RNGTT: variants seen among roughly 807,000 people sequenced by gnomAD.
The protein encoded by RNGTT is RNA guanylyltransferase and 5'-phosphatase.
RNGTT carries 33 observed loss-of-function variants against 79.3 expected under a neutral mutation model. That is an observed-to-expected ratio of 0.42 (90% confidence interval 0.32 to 0.56). The LOEUF is 0.56. Among genes scored for constraint, RNGTT ranks in the 20% least tolerant of loss-of-function variants. RNGTT has a pLI of 0.17. For synonymous variants in RNGTT, 222 were observed against 235.9 expected, an observed-to-expected ratio of 0.94 and a Z score of 0.54; for missense variants, 497 against 739.1, an observed-to-expected ratio of 0.67 and a Z score of 3.80.
chr6:88,762,832 G>A (rs549048423), intron 13 of RNGTT, among the ~76,000 whole-genome samples: 2 of 152,314 alleles, frequency 1.3e-5, no homozygotes, highest in East Asian at 1.9e-4. Flanking sequence ...TGAGTAAAGA[G>A]TGGCAGAGCT....
intron 12 of RNGTT, among the ~76,000 whole-genome samples, chr6:88,774,236 T>C (rs1490673124): frequency 6.6e-6 from 1 of 152,070 alleles, no homozygotes; most frequent in Non-Finnish European, 1.5e-5. Context: ...TCATTAATCA[T>C]TAAACAAATG....
chr6:88,960,753 C>T (rs1785589921), intron 1 of RNGTT, among the ~76,000 whole-genome samples: 1 of 152,234 alleles, frequency 6.6e-6, no homozygotes, highest in Non-Finnish European at 1.5e-5. Context: ...AGTCTGGTTT[C>T]ATCAGAGAAA....
At position 88,906,391 on chromosome 6, in the gene RNGTT, G is replaced by C; in HGVS notation, c.417C>G (p.Ala139=). Residue 139 remains alanine (A), a synonymous_variant, in exon 5 of 16, where the codon GCC becomes GCG. Transcript: ENST00000369485. The part of the protein sequence containing the change: ...GFNRTGFLIC[A]FLVEKMDWSI... ...TCCAATCCATTTTCTCCACCAAAAA[G>C]GCACATATGAGGAAACCAGTGCGAT... 8.1e-6 allele frequency: 13 copies of C among 1,600,044 alleles called. No individual in the cohort carries two copies. Among genetic ancestry groups the C allele is most frequent in the African/African-American group, 1.3e-5 (1 of 74,288 alleles).
In RNGTT at chr6:88,921,275, T is replaced by TA. The variant is rs555681649; in HGVS notation, c.367+7709dup. On this transcript the variant is annotated intron_variant, in intron 4 of 15. Transcript: ENST00000369485. ...TTTCTTTTCAAAGCTGTCTTGGTTTTAAAAAAAAATCCCAGCCTGGGTGAC... is the reference window on the plus strand; with the variant it reads ...TTTCTTTTCAAAGCTGTCTTGGTTTTAAAAAAAAAATCCCAGCCTGGGTGAC... Among the ~76,000 whole-genome samples the TA allele has an allele frequency of 3.4e-3, 515 of 151,204 alleles. 3 individuals carry two copies. The highest frequency in any genetic ancestry group is 8.1e-3 in the African/African-American group (333 of 41,214).
At chr6:88,900,961 G>A (rs1279154732) in intron 6 of RNGTT, among the ~76,000 whole-genome samples, 1 of 151,800 alleles carries the variant, frequency 6.6e-6, no homozygotes, top group African/African-American at 2.4e-5. Flanking sequence ...GGCCAACATG[G>A]TGAAACCCTG....
At chr6:88,935,868 G>T (rs922693468) in intron 2 of RNGTT, among the ~76,000 whole-genome samples, 10 of 152,096 alleles carry the variant, frequency 6.6e-5, no homozygotes, top group Non-Finnish European at 1.5e-5. Flanking sequence ...TTCTCAGCTA[G>T]TTCAGTATCA....
intron 14 of RNGTT, among the ~76,000 whole-genome samples, chr6:88,620,092 A>C (rs1772386625): frequency 2.0e-5 from 3 of 152,176 alleles, no homozygotes; most frequent in African/African-American, 2.4e-5. Flanking sequence ...CCTCTGCTGA[A>C]ATCTATTGGT....
chr6:88,917,926 A>T (rs997509406), intron 4 of RNGTT, among the ~76,000 whole-genome samples: 5 of 152,128 alleles, frequency 3.3e-5, no homozygotes, highest in Non-Finnish European at 7.4e-5. Flanking sequence ...GGCTTCAAAG[A>T]ACAAAAACAC....
chr6:88,949,178 A>AAAAAT (rs1785156409), intron 1 of RNGTT, among the ~76,000 whole-genome samples: 1 of 127,858 alleles, frequency 7.8e-6, no homozygotes, highest in African/African-American at 3.3e-5. Flanking sequence ...AAAAAAAAAA[A>AAAAAT]GAAAATGAAA....
chr6:88,902,765 G>A (rs1783516297), intron 6 of RNGTT, among the ~76,000 whole-genome samples: 1 of 124,008 alleles, frequency 8.1e-6, no homozygotes, highest in South Asian at 2.6e-4. Context: ...GCGCAATCTT[G>A]GCTCACTGCA....
chr6:88,786,649 A>C lies in RNGTT; in HGVS notation c.1338+14915T>G, dbSNP rs985504299. 2.0e-5 allele frequency among the ~76,000 whole-genome samples: 3 copies of C among 152,240 alleles called. No individual in the cohort carries two copies. In the East Asian group the frequency reaches 5.8e-4, roughly 29 times the overall value. On this transcript the variant is annotated intron_variant, in intron 12 of 15. Coordinates refer to ENST00000369485, the MANE Select transcript of RNGTT (RefSeq NM_003800.5). ...GAAAGCTTGAACCTTAAACCTTAGAAAATAGGTTTATACTGAAAACAAACA... is the reference window on the plus strand; with the variant it reads ...GAAAGCTTGAACCTTAAACCTTAGACAATAGGTTTATACTGAAAACAAACA...
intron 13 of RNGTT, among the ~76,000 whole-genome samples, chr6:88,706,480 T>C (rs1776134131): frequency 6.6e-6 from 1 of 152,036 alleles, no homozygotes; most frequent in African/African-American, 2.4e-5. Context: ...GGAAGAGCAC[T>C]AATAGATTCC....
chr6:88,847,617 G>GT (rs1321508714), intron 10 of RNGTT, among the ~76,000 whole-genome samples: 2 of 151,876 alleles, frequency 1.3e-5, no homozygotes, highest in East Asian at 3.8e-4. Context: ...ATAAAATATG[G>GT]TAATAGGCAC....
rs530976623 is a variant in RNGTT, at chr6:88,738,135, G to A, written c.1439+31639C>T. On this transcript the variant is annotated intron_variant, in intron 13 of 15. Transcript: ENST00000369485. ...ATAGTATGTACTCTTGATACAGTGT[G>A]ATAGAAATCGCACTTCATCTGTGAT... Among the ~76,000 whole-genome samples, 27 of 152,268 alleles carry A rather than the reference G, an allele frequency of 1.8e-4. 1 individual carries two copies. Among genetic ancestry groups the A allele is most frequent in the Middle Eastern group, 6.8e-3 (2 of 294 alleles).
At chr6:88,642,486 T>C (rs1481629653) in intron 14 of RNGTT, among the ~76,000 whole-genome samples, 2 of 152,220 alleles carry the variant, frequency 1.3e-5, no homozygotes, top group Non-Finnish European at 2.9e-5. Flanking sequence ...AGTAAGTATA[T>C]ACAGTCTGAC....
chr6:88,625,094 T>C (rs7753166), intron 14 of RNGTT, among the ~76,000 whole-genome samples: 4,557 of 152,016 alleles, frequency 0.03, 232 homozygotes, highest in African/African-American at 0.1. Context: ...TTGACAACAA[T>C]GCAAGGCAAC....
At position 88,957,584 on chromosome 6, in the gene RNGTT, C is replaced by G. The variant is rs568942401; in HGVS notation, c.64+5762G>C. ...CTGCTATGCACCAACAATGGCCAAG[C>G]TGAGAATCAAATCAAGAACTCAATC... is the stretch of plus-strand genomic sequence containing the variant. On this transcript the variant is annotated intron_variant, in intron 1 of 15. Transcript: ENST00000369485. Among the ~76,000 whole-genome samples the G allele has an allele frequency of 2.6e-5, 4 of 152,240 alleles. No individual in the cohort carries two copies. The East Asian group carries it at 7.7e-4, about 29-fold the overall frequency.
At chr6:88,926,047 C>T (rs1784309489) in intron 4 of RNGTT, among the ~76,000 whole-genome samples, 1 of 152,176 alleles carries the variant, frequency 6.6e-6, no homozygotes, top group Non-Finnish European at 1.5e-5. Flanking sequence ...TGGATTCTGT[C>T]TTTGGTGATA....
intron 4 of RNGTT, among the ~76,000 whole-genome samples, chr6:88,923,949 C>G (rs1254032554): frequency 2.0e-5 from 3 of 152,224 alleles, no homozygotes; most frequent in Non-Finnish European, 4.4e-5. Context: ...CAGTCCATGG[C>G]ACAGAGCAAC....
Sources: gnomAD v4.1 joint callset for allele counts (sites outside exome capture counted in the v4.1 genomes callset) on GRCh38, gnomAD v4.1.1 for gene constraint, MANE v1.5 for transcripts, NCBI Gene and HGNC (gene_info 2026-07-23, HGNC 2026-07-21) for gene names.